DIS3L2: variants seen among roughly 807,000 people sequenced by gnomAD.
DIS3L2 encodes the protein DIS3-like exonuclease 2.
DIS3L2 carries 34 observed loss-of-function variants against 97.5 expected under a neutral mutation model. That is an observed-to-expected ratio of 0.35 (90% CI 0.27 to 0.46). The LOEUF is 0.46. Ranked by LOEUF, DIS3L2 falls within the 20% of genes least tolerant of loss-of-function variation. The pLI is 1.00. For missense variants in DIS3L2, 1,038 were observed against 1,146.0 expected (o/e 0.91, Z 1.36); for synonymous variants, 435 against 445.2 (o/e 0.98, Z 0.29).
intron 13 of DIS3L2, among the ~76,000 whole-genome samples, chr2:232,296,174 C>G (rs1358995003): frequency 6.6e-6 from 1 of 152,222 alleles, no homozygotes; most frequent in African/African-American, 2.4e-5. Context: ...GCAATAGCAT[C>G]TGCCCTGCAG....
chr2:232,148,748 CTTTTTTTTTT>C (rs34837114), intron 8 of DIS3L2, among the ~76,000 whole-genome samples: 2 of 98,900 alleles, frequency 2.0e-5, no homozygotes, highest in Admixed American at 1.2e-4. Flanking sequence ...AATTTTCTTT[CTTTTTTTTTT>C]TTTTTTTTTT....
chr2:232,105,143 T>C (rs1458881198), intron 6 of DIS3L2, among the ~76,000 whole-genome samples: 2 of 152,210 alleles, frequency 1.3e-5, no homozygotes, highest in Non-Finnish European at 2.9e-5. Context: ...CCATCCATGT[T>C]GATGAACACT....
At position 232,336,560 on chromosome 2, in the gene DIS3L2, A is replaced by G. The variant is rs777191235; in HGVS notation, c.2588A>G (p.Gln863Arg). The G allele has an allele frequency of 8.7e-6, 14 of 1,609,702 alleles. No individual in the cohort carries two copies. The South Asian group carries it at 1.3e-4, about 15-fold the overall frequency. The change falls in exon 21 of 21, where the codon CAG becomes CGG. Residue 863 changes from glutamine (Q) to arginine (R), a missense_variant. Around this residue, in one of 3 missense-constraint regions of DIS3L2, gnomAD observed 221 missense variants for 246.9 expected, o/e 0.90. Coordinates refer to ENST00000325385, the MANE Select transcript of DIS3L2 (RefSeq NM_152383.5). ...YSAILKRPGTQGHLGPEKEEE... is the reference protein window; with the variant it reads ...YSAILKRPGTRGHLGPEKEEE... ...GCCATCCTGAAGCGGCCAGGCACCC[A>G]GGGCCACCTGGGCCCTGAGAAGGAG... is the stretch of plus-strand genomic sequence containing the variant.
At chr2:232,215,402 A>C (rs1397333068) in intron 10 of DIS3L2, among the ~76,000 whole-genome samples, 1 of 152,136 alleles carries the variant, frequency 6.6e-6, no homozygotes, top group Non-Finnish European at 1.5e-5. Context: ...ATATTTGGTT[A>C]AGTTAGAACA....
At position 232,130,593 on chromosome 2, in the gene DIS3L2, CTTCTCTCTTTA is replaced by C; in HGVS notation, c.602-24_602-14del. On this transcript the variant is annotated splice_polypyrimidine_tract_variant and intron_variant, in intron 6 of 20. Coordinates refer to ENST00000325385, the MANE Select transcript of DIS3L2 (RefSeq NM_152383.5). ...GATATGCATCTGGTTGATGACTCCT[CTTCTCTCTTTA>C]TCTTTTTAATGTAGGAAGAGAGGAT... The C allele has an allele frequency of 7.5e-6, 12 of 1,600,732 alleles. No homozygotes were observed. The highest frequency in any genetic ancestry group is 1.0e-5 in the Non-Finnish European group (12 of 1,174,736).
intron 1 of DIS3L2, among the ~76,000 whole-genome samples, chr2:231,968,940 C>T (rs1347772188): frequency 1.3e-5 from 2 of 152,108 alleles, no homozygotes; most frequent in Non-Finnish European, 2.9e-5. Flanking sequence ...CCATGCTGTT[C>T]TTGTAATAGT....
At chr2:232,233,848 A>G (rs1331985242) in intron 10 of DIS3L2, among the ~76,000 whole-genome samples, 6 of 152,226 alleles carry the variant, frequency 3.9e-5, no homozygotes, top group Non-Finnish European at 8.8e-5. Context: ...ATCTAATTAA[A>G]TAGAACTGGA....
chr2:232,257,232 G>A (rs1693590447), intron 12 of DIS3L2, among the ~76,000 whole-genome samples: 1 of 152,188 alleles, frequency 6.6e-6, no homozygotes, highest in Admixed American at 6.5e-5. Context: ...GAGGACTGGG[G>A]CTTGTGGAGT....
chr2:232,075,342 G>T (rs1392467504), intron 5 of DIS3L2, among the ~76,000 whole-genome samples: 1 of 152,200 alleles, frequency 6.6e-6, no homozygotes, highest in Non-Finnish European at 1.5e-5. Context: ...TTGTGCAATA[G>T]AATGTGAAGA....
intron 1 of DIS3L2, among the ~76,000 whole-genome samples, chr2:232,007,128 G>A (rs919064063): frequency 1.3e-5 from 2 of 152,198 alleles, no homozygotes; most frequent in African/African-American, 4.8e-5. Context: ...CATTGGTTGT[G>A]TGCTATTGGG....
At chr2:232,096,652 CCT>C (rs1186728837) in intron 6 of DIS3L2, among the ~76,000 whole-genome samples, 1 of 151,832 alleles carries the variant, frequency 6.6e-6, no homozygotes, top group Non-Finnish European at 1.5e-5. Context: ...TTTCAAATAA[CCT>C]GTGTTCAACC....
At chr2:232,218,805 G>T (rs772109992) in intron 10 of DIS3L2, among the ~76,000 whole-genome samples, 28 of 152,138 alleles carry the variant, frequency 1.8e-4, no homozygotes. Flanking sequence ...TTTCCTACGT[G>T]GCACGCACAA....
At chr2:232,198,272 T>C (rs757015271) in intron 9 of DIS3L2, among the ~76,000 whole-genome samples, 1 of 152,170 alleles carries the variant, frequency 6.6e-6, no homozygotes, top group Non-Finnish European at 1.5e-5. Context: ...AGAATAAGAT[T>C]TCTCGTATGT....
At chr2:232,263,656 A>G (rs1693781613) in intron 13 of DIS3L2, among the ~76,000 whole-genome samples, 1 of 152,134 alleles carries the variant, frequency 6.6e-6, no homozygotes. Flanking sequence ...GTATGATTCC[A>G]CAGGTACACG....
At chr2:232,217,208 C>T (rs1489189004) in intron 10 of DIS3L2, among the ~76,000 whole-genome samples, 3 of 152,144 alleles carry the variant, frequency 2.0e-5, no homozygotes, top group African/African-American at 7.2e-5. Flanking sequence ...TGAGGGATCA[C>T]ACCTGGCCAT....
intron 8 of DIS3L2, among the ~76,000 whole-genome samples, chr2:232,148,881 T>G (rs1046386462): frequency 6.8e-5 from 10 of 147,936 alleles, no homozygotes; most frequent in African/African-American, 2.5e-4. Flanking sequence ...CTTCTTCCAA[T>G]TATTAAAAAT....
chr2:232,241,734 T>C (rs1434504291), intron 11 of DIS3L2, among the ~76,000 whole-genome samples: 2 of 152,238 alleles, frequency 1.3e-5, no homozygotes, highest in Admixed American at 1.3e-4. Context: ...GACACAACAT[T>C]TGCTCAGTTA....
intron 9 of DIS3L2, among the ~76,000 whole-genome samples, chr2:232,207,201 T>A (rs910025525): frequency 1.7e-4 from 26 of 152,244 alleles, no homozygotes; most frequent in African/African-American, 5.8e-4. Context: ...TATACCAGTA[T>A]TTTTTATTGA....
At chr2:232,187,726 C>G (rs1183596794) in intron 9 of DIS3L2, among the ~76,000 whole-genome samples, 2 of 152,084 alleles carry the variant, frequency 1.3e-5, no homozygotes, top group Non-Finnish European at 2.9e-5. Context: ...CAGGCGTGAG[C>G]CACTGTGCCT....
Sources: gnomAD v4.1 joint callset for allele counts (sites outside exome capture counted in the v4.1 genomes callset) on GRCh38, gnomAD v4.1.1 for gene constraint, gnomAD v4.1.1 regional missense constraint, MANE v1.5 for transcripts, NCBI Gene and HGNC (gene_info 2026-07-23, HGNC 2026-07-21) for gene names.